RNLS: variants seen among roughly 807,000 people sequenced by gnomAD.
RNLS encodes renalase.
RNLS carries 39 observed loss-of-function variants against 39.8 expected under a neutral mutation model. The observed-to-expected ratio is 0.98, with a 90% CI of 0.76 to 1.28. The LOEUF (loss-of-function observed/expected upper bound fraction) is 1.28. RNLS is among the 50% of genes most tolerant of loss of function. The pLI is 0.00. For synonymous variants in RNLS, 147 were observed against 150.7 expected, an observed-to-expected ratio of 0.98 and a Z score of 0.18; for missense variants, 410 against 413.3, an observed-to-expected ratio of 0.99 and a Z score of 0.07.
chr10:88,551,626 T>G (rs544682127), intron 4 of RNLS, among the ~76,000 whole-genome samples: 45 of 152,168 alleles, frequency 3.0e-4, no homozygotes, highest in African/African-American at 9.4e-4. Context: ...CATGAATTTT[T>G]CAAAAAATCT....
intron 4 of RNLS, among the ~76,000 whole-genome samples, chr10:88,415,267 A>T (rs1454386546): frequency 6.6e-6 from 1 of 152,180 alleles, no homozygotes; most frequent in Non-Finnish European, 1.5e-5. Flanking sequence ...CCAAATAAAC[A>T]ATTGATGTTG....
intron 4 of RNLS, among the ~76,000 whole-genome samples, chr10:88,495,440 A>T (rs572969054): frequency 6.6e-6 from 1 of 152,172 alleles, no homozygotes; most frequent in Non-Finnish European, 1.5e-5. Flanking sequence ...ATATTATGTT[A>T]GACAAGTAGA....
In RNLS at chr10:88,583,220, T is replaced by C. The variant is rs774774907; in HGVS notation, c.-30A>G. 6.2e-7 allele frequency: 1 copy of C among 1,612,024 alleles called. No homozygotes were observed. The highest frequency in any genetic ancestry group is 1.7e-5 in the Admixed American group (1 of 59,878). On this transcript the variant is annotated 5_prime_UTR_variant, in exon 1 of 7. Transcript: ENST00000331772. ...AGAGGGAGCAGCGATCCGCGCTGAG[T>C]CTCTGCGGCGGGGCCGTTCGGCCCG... is the stretch of plus-strand genomic sequence containing the variant.
At chr10:88,343,466 G>T in intron 5 of RNLS, 1 of 800,368 alleles carries the variant, frequency 1.2e-6, no homozygotes, top group Non-Finnish European at 1.5e-6. Flanking sequence ...AATGAAAGTA[G>T]GCAATCAAGA....
At chr10:88,216,017 C>T in the RNLS span, among the ~76,000 whole-genome samples, 2 of 152,014 alleles carry the variant, frequency 1.3e-5, no homozygotes, top group Admixed American at 6.6e-5. Flanking sequence ...ATTTTTGCTA[C>T]TTATTCATTA....
At chr10:88,261,876 T>C in the RNLS span, among the ~76,000 whole-genome samples, 1 of 151,982 alleles carries the variant, frequency 6.6e-6, no homozygotes, top group Non-Finnish European at 1.5e-5. Flanking sequence ...AAGAACTGTG[T>C]GTTGAGAGAG....
chr10:88,520,654 T>C (rs574126066), intron 4 of RNLS, among the ~76,000 whole-genome samples: 33 of 152,198 alleles, frequency 2.2e-4, no homozygotes, highest in African/African-American at 7.9e-4. Flanking sequence ...AGATGATCCA[T>C]ATCTCTGAAT....
chr10:88,388,829 T>C (rs1852021008), intron 4 of RNLS, among the ~76,000 whole-genome samples: 1 of 152,216 alleles, frequency 6.6e-6, no homozygotes, highest in Non-Finnish European at 1.5e-5. Context: ...CCCTCATCAC[T>C]GTATCCCCAG....
intron 5 of RNLS, among the ~76,000 whole-genome samples, chr10:88,331,978 T>C (rs937029492): frequency 6.6e-6 from 1 of 152,126 alleles, no homozygotes; most frequent in South Asian, 2.1e-4. Context: ...GCTCCTGATG[T>C]CTCTCTCTCC....
intron 4 of RNLS, among the ~76,000 whole-genome samples, chr10:88,445,260 C>T (rs1206302884): frequency 6.6e-6 from 1 of 152,152 alleles, no homozygotes; most frequent in Non-Finnish European, 1.5e-5. Context: ...TTACAGACAA[C>T]CAAATGCTGA....
At chr10:88,482,683 T>A (rs1844265163) in intron 4 of RNLS, among the ~76,000 whole-genome samples, 1 of 152,132 alleles carries the variant, frequency 6.6e-6, no homozygotes, top group South Asian at 2.1e-4. Context: ...CTATGATAAT[T>A]TTTTCCTTGG....
At chr10:88,251,061 C>T in the RNLS span, among the ~76,000 whole-genome samples, 6 of 152,116 alleles carry the variant, frequency 3.9e-5, no homozygotes, top group South Asian at 6.2e-4. Flanking sequence ...CCACATTTTG[C>T]CACTGAATAA....
downstream of RNLS, among the ~76,000 whole-genome samples, chr10:88,269,434 T>C (rs7895706): frequency 3.9e-3 from 600 of 152,322 alleles, 5 homozygotes; most frequent in Middle Eastern, 0.024. Context: ...GCTTGCTTGA[T>C]GCTTTGGCAG....
At chr10:88,452,789 C>G (rs1016452944) in intron 4 of RNLS, among the ~76,000 whole-genome samples, 2 of 152,152 alleles carry the variant, frequency 1.3e-5, no homozygotes, top group African/African-American at 4.8e-5. Flanking sequence ...GATCATCAGG[C>G]ACAGGTTCGG....
intron 4 of RNLS, among the ~76,000 whole-genome samples, chr10:88,472,010 TCCAAGGC>T (rs138237094): frequency 6.6e-6 from 1 of 152,194 alleles, no homozygotes; most frequent in East Asian, 1.9e-4. Context: ...TACAGCATGG[TCCAAGGC>T]CTCAGGCATA....
chr10:88,424,647 A>T (rs1854612937), intron 4 of RNLS, among the ~76,000 whole-genome samples: 2 of 152,186 alleles, frequency 1.3e-5, no homozygotes, highest in South Asian at 4.1e-4. Context: ...ATCAAAGGCA[A>T]ATGTCAATAG....
chr10:88,177,025 A>T, the RNLS span, among the ~76,000 whole-genome samples: 1 of 152,038 alleles, frequency 6.6e-6, no homozygotes, highest in South Asian at 2.1e-4. Flanking sequence ...CTTCATCTTC[A>T]TCTTTTGACA....
chr10:88,402,158 ATTC>A (rs1852964858), intron 4 of RNLS, among the ~76,000 whole-genome samples: 1 of 152,024 alleles, frequency 6.6e-6, no homozygotes, highest in Non-Finnish European at 1.5e-5. Flanking sequence ...AAAAAAATTT[ATTC>A]TTGCCCGCAC....
At chr10:88,347,849 CAGAGT>C (rs1179786228) in intron 5 of RNLS, among the ~76,000 whole-genome samples, 6 of 152,190 alleles carry the variant, frequency 3.9e-5, no homozygotes, top group African/African-American at 1.2e-4. Flanking sequence ...CTCAATTAGG[CAGAGT>C]AATTTAGCTC....
Sources: gnomAD v4.1 joint callset for allele counts (sites outside exome capture counted in the v4.1 genomes callset) on GRCh38, gnomAD v4.1.1 for gene constraint, MANE v1.5 for transcripts, NCBI Gene and HGNC (gene_info 2026-07-23, HGNC 2026-07-21) for gene names.